PRKAR2B: variants seen among roughly 807,000 people sequenced by gnomAD.
PRKAR2B encodes the protein cAMP-dependent protein kinase type II-beta regulatory subunit.
In PRKAR2B, 14 loss-of-function variants were observed where a neutral mutation model predicts 49.9. The ratio of observed to expected loss-of-function variants is 0.28; its 90% CI spans 0.19 to 0.44. The LOEUF is 0.44. PRKAR2B is among the 20% of genes least tolerant of loss of function. The pLI is 1.00. For missense variants in PRKAR2B, 393 were observed against 537.9 expected, an observed-to-expected ratio of 0.73 and a Z score of 2.67; for synonymous variants, 196 against 197.7, an observed-to-expected ratio of 0.99 and a Z score of 0.07.
intron 6 of PRKAR2B, among the ~76,000 whole-genome samples, chr7:107,147,448 A>C (rs1380544771): frequency 1.3e-5 from 2 of 152,370 alleles, no homozygotes; most frequent in Admixed American, 1.3e-4. Flanking sequence ...GTTTAAAGAT[A>C]CATTCGGGCA....
chr7:107,112,464 AAC>A (rs1214683244), intron 2 of PRKAR2B, among the ~76,000 whole-genome samples: 6 of 152,098 alleles, frequency 3.9e-5, no homozygotes, highest in Non-Finnish European at 8.8e-5. Flanking sequence ...CCAACAAAAA[AAC>A]ACAAATTAAA....
intron 2 of PRKAR2B, among the ~76,000 whole-genome samples, chr7:107,099,513 G>A (rs1337581397): frequency 1.3e-5 from 2 of 152,136 alleles, no homozygotes; most frequent in East Asian, 1.9e-4. Flanking sequence ...CCCACTGTCC[G>A]ACAAGCCCAA....
intron 5 of PRKAR2B, among the ~76,000 whole-genome samples, chr7:107,143,679 T>C (rs1054891912): frequency 2.0e-5 from 3 of 152,176 alleles, no homozygotes; most frequent in Admixed American, 6.5e-5. Flanking sequence ...CAACCACAGA[T>C]TGTCCACATG....
chr7:107,098,935 G>A (rs545563595), intron 2 of PRKAR2B, among the ~76,000 whole-genome samples: 2 of 152,198 alleles, frequency 1.3e-5, no homozygotes, highest in Non-Finnish European at 2.9e-5. Flanking sequence ...CTACTGGGAG[G>A]TGTCTCCCAG....
chr7:107,125,723 GA>G (rs1322919705), intron 3 of PRKAR2B, among the ~76,000 whole-genome samples: 4 of 152,242 alleles, frequency 2.6e-5, no homozygotes, highest in African/African-American at 9.6e-5. Flanking sequence ...CAGGGTGAGG[GA>G]AAAGGGAAAC....
At chr7:107,081,409 C>A (rs1794511493) in intron 2 of PRKAR2B, among the ~76,000 whole-genome samples, 1 of 150,684 alleles carries the variant, frequency 6.6e-6, no homozygotes, top group African/African-American at 2.4e-5. Context: ...CCCTCCCACC[C>A]CCACCCCATC....
chr7:107,086,779 C>T (rs1026963264), intron 2 of PRKAR2B, among the ~76,000 whole-genome samples: 3 of 152,050 alleles, frequency 2.0e-5, no homozygotes, highest in Non-Finnish European at 4.4e-5. Flanking sequence ...TTTATAGCAT[C>T]CATATGATAA....
At chr7:107,108,980 G>A (rs1343996259) in intron 2 of PRKAR2B, among the ~76,000 whole-genome samples, 1 of 152,190 alleles carries the variant, frequency 6.6e-6, no homozygotes, top group African/African-American at 2.4e-5. Flanking sequence ...AGAGCAGAGT[G>A]GGCAGAGTGG....
intron 1 of PRKAR2B, among the ~76,000 whole-genome samples, chr7:107,053,856 T>G (rs951792239): frequency 2.2e-4 from 33 of 152,120 alleles, no homozygotes; most frequent in Non-Finnish European, 1.3e-4. Flanking sequence ...TAGAAGAAAG[T>G]CTAAAGTTTA....
intron 2 of PRKAR2B, among the ~76,000 whole-genome samples, chr7:107,116,393 T>C (rs1056421337): frequency 6.6e-6 from 1 of 152,192 alleles, no homozygotes; most frequent in Non-Finnish European, 1.5e-5. Flanking sequence ...GTGGCACTGA[T>C]GTTATCATGA....
chr7:107,157,152 G>A, intron 9 of PRKAR2B, 34 bp from the exon 10 acceptor site: 1 of 1,608,236 alleles, frequency 6.2e-7, no homozygotes, highest in Non-Finnish European at 8.5e-7. Context: ...TTCATAAGCT[G>A]AGGAAAAGCT....
intron 2 of PRKAR2B, among the ~76,000 whole-genome samples, chr7:107,084,904 T>C (rs1439144604): frequency 1.1e-4 from 16 of 151,846 alleles, no homozygotes; most frequent in African/African-American, 3.9e-4. Flanking sequence ...GGATTACAGG[T>C]GTGAGCCACC....
At chr7:107,072,277 A>G (rs1290296644) in intron 2 of PRKAR2B, among the ~76,000 whole-genome samples, 1 of 151,996 alleles carries the variant, frequency 6.6e-6, no homozygotes, top group Non-Finnish European at 1.5e-5. Context: ...CACGCTGTAT[A>G]CAGCAGTAAG....
chr7:107,107,527 T>C (rs2116820299), intron 2 of PRKAR2B, among the ~76,000 whole-genome samples: 1 of 152,228 alleles, frequency 6.6e-6, no homozygotes, highest in South Asian at 2.1e-4. Context: ...AACAGGGATC[T>C]CTGCTAGACA....
chr7:107,144,555 G>T (rs777573846), intron 5 of PRKAR2B, among the ~76,000 whole-genome samples: 2 of 151,974 alleles, frequency 1.3e-5, no homozygotes, highest in African/African-American at 2.4e-5. Context: ...TGAACTCCTG[G>T]GCCCAAGCGA....
chr7:107,106,060 G>A (rs1795064531), intron 2 of PRKAR2B, among the ~76,000 whole-genome samples: 1 of 152,148 alleles, frequency 6.6e-6, no homozygotes, highest in African/African-American at 2.4e-5. Context: ...ATGCATACCA[G>A]GGATAGCTCA....
intron 7 of PRKAR2B, among the ~76,000 whole-genome samples, chr7:107,151,256 A>C (rs1795982251): frequency 6.6e-6 from 1 of 152,214 alleles, no homozygotes; most frequent in Admixed American, 6.5e-5. Flanking sequence ...ATCTATAGCA[A>C]ATTTATATGT....
intron 3 of PRKAR2B, among the ~76,000 whole-genome samples, chr7:107,125,556 G>A (rs569206641): frequency 1.3e-5 from 2 of 152,322 alleles, no homozygotes; most frequent in African/African-American, 2.4e-5. Context: ...GAGGAAAAAT[G>A]TAGGAGAGCA....
At chr7:107,128,319 A>G in intron 4 of PRKAR2B, 24 bp downstream of exon 4, 1 of 1,557,162 alleles carries the variant, frequency 6.4e-7, no homozygotes, top group Non-Finnish European at 8.9e-7. Context: ...TAATAATAGA[A>G]ATGGCTTTGT....
Sources: allele counts gnomAD v4.1 joint callset (sites outside exome capture counted in the v4.1 genomes callset), GRCh38; gene constraint gnomAD v4.1.1; transcripts MANE v1.5; gene names NCBI Gene and HGNC (gene_info 2026-07-23, HGNC 2026-07-21).